Variants in ACTN2 observed in about 807,000 individuals in gnomAD.
The protein encoded by ACTN2 is alpha-actinin-2.
A neutral mutation model predicts 113.8 loss-of-function variants in ACTN2; 39 were observed. That is an observed-to-expected ratio of 0.34 (90% CI 0.27 to 0.45). ACTN2 has a LOEUF of 0.45. ACTN2 is among the 20% of genes least tolerant of loss of function. ACTN2 has a pLI of 1.00. For synonymous variants in ACTN2, 429 were observed against 444.1 expected (o/e 0.97, Z 0.43); for missense variants, 992 against 1,177.9 (o/e 0.84, Z 2.31).
chr1:236,763,061 G>T lies in ACTN2; in HGVS notation c.*442G>T. The T allele has an allele frequency of 3.4e-6, 1 of 294,430 alleles. No individual in the cohort carries two copies. Among genetic ancestry groups the T allele is most frequent in the South Asian group, 3.2e-5 (1 of 31,308 alleles). The allele number at this position is 294,430 out of a possible 1,614,324, so 18.2% of individuals were successfully genotyped here. ...TCATTTATCTCTAATATGCTTATGT[G>T]ATTGCCCCTAGGGGAGTATATTTGG... On this transcript the variant is annotated 3_prime_UTR_variant, in exon 21 of 21. Coordinates refer to ENST00000366578, the MANE Select transcript of ACTN2 (RefSeq NM_001103.4).
intron 2 of ACTN2, 136 bp from the exon 3 acceptor site, chr1:236,718,758 A>T (rs1658295022): frequency 2.4e-6 from 3 of 1,232,130 alleles, no homozygotes; most frequent in Non-Finnish European, 3.5e-6. Context: ...TGATTTAGAG[A>T]GACCAGGCAC....
chr1:236,725,874 G>T (rs888865052), intron 4 of ACTN2, 59 bp from the exon 5 acceptor site: 1 of 1,480,370 alleles, frequency 6.8e-7, no homozygotes, highest in African/African-American at 1.4e-5. Context: ...AAGTGACTAG[G>T]AGCTAAGTGA....
intron 4 of ACTN2, among the ~76,000 whole-genome samples, chr1:236,721,272 C>T (rs995281483): frequency 1.3e-5 from 2 of 151,654 alleles, no homozygotes; most frequent in Admixed American, 6.6e-5. Context: ...GTGATCCGCC[C>T]GCCTCAGCCT....
intron 1 of ACTN2, among the ~76,000 whole-genome samples, chr1:236,712,467 C>T (rs1416392478): frequency 6.6e-6 from 1 of 152,034 alleles, no homozygotes; most frequent in Non-Finnish European, 1.5e-5. Flanking sequence ...AATAAATTGA[C>T]CTTCTCTGGA....
intron 8 of ACTN2, chr1:236,736,552 A>G (rs1658882384): frequency 3.3e-6 from 5 of 1,502,688 alleles, no homozygotes; most frequent in East Asian, 2.5e-5. Flanking sequence ...ATGACTTCTC[A>G]TCTAGGTTAG....
At chr1:236,741,281 C>T (rs1659059476) in intron 10 of ACTN2, among the ~76,000 whole-genome samples, 1 of 152,108 alleles carries the variant, frequency 6.6e-6, no homozygotes, top group Admixed American at 6.5e-5. Flanking sequence ...CTCAAGCGAT[C>T]CTCCCACCTC....
rs12569148 is a variant in ACTN2, at chr1:236,734,207, C to T, written c.698-1428C>T. 0.086 allele frequency among the ~76,000 whole-genome samples: 13,109 copies of T among 152,158 alleles called. 1,065 individuals are homozygous for T. The highest frequency in any genetic ancestry group is 0.22 in the East Asian group (1,116 of 5,164). ...TAGGGCTCTTCTGGGTTAGCCTTGGCGTTCTCTTTGGCAATTCCTTTGTTT... is the reference window on the plus strand; with the variant it reads ...TAGGGCTCTTCTGGGTTAGCCTTGGTGTTCTCTTTGGCAATTCCTTTGTTT... On this transcript the variant is annotated intron_variant, in intron 7 of 20. Transcript: ENST00000366578.
At chr1:236,696,950 C>T (rs1432228275) in intron 1 of ACTN2, among the ~76,000 whole-genome samples, 1 of 148,172 alleles carries the variant, frequency 6.7e-6, no homozygotes, top group Non-Finnish European at 1.5e-5. Flanking sequence ...GCATGAGCCA[C>T]CGTGCCCGGC....
In ACTN2 at chr1:236,739,367, A is replaced by G. The variant is rs757749072; in HGVS notation, c.942A>G (p.Gln314=). The G allele has an allele frequency of 6.2e-7, 1 of 1,614,112 alleles. No individual in the cohort carries two copies. Among genetic ancestry groups the G allele is most frequent in the African/African-American group, 1.3e-5 (1 of 75,018 alleles). Residue 314 remains glutamine, a synonymous_variant, in exon 10 of 21, where the codon CAA becomes CAG. Transcript: ENST00000366578. The part of the protein sequence containing the change: ...LENRTPEKTM[Q]AMQKKLEDFR... The stretch of plus-strand genomic sequence containing the variant: ...ACCGGACTCCCGAGAAGACCATGCA[A>G]GCCATGCAGAAGAAGCTGGAGGACT...
At chr1:236,717,591 A>T (rs1335615043) in intron 1 of ACTN2, among the ~76,000 whole-genome samples, 1 of 152,218 alleles carries the variant, frequency 6.6e-6, no homozygotes, top group East Asian at 1.9e-4. Flanking sequence ...ACAGGTATAA[A>T]TGTGGTGTCT....
At chr1:236,708,471 C>T (rs1038221677) in intron 1 of ACTN2, among the ~76,000 whole-genome samples, 7 of 152,160 alleles carry the variant, frequency 4.6e-5, no homozygotes, top group African/African-American at 1.7e-4. Context: ...TTTCGTTGTG[C>T]TGAGTGGTTA....
intron 18 of ACTN2, 66 bp from the exon 19 acceptor site, chr1:236,759,658 T>C (rs1659649199): frequency 5.2e-6 from 7 of 1,357,564 alleles, no homozygotes; most frequent in South Asian, 4.7e-5. Context: ...CTTTGTTCAG[T>C]TGGTCAAGTA....
In ACTN2 at chr1:236,686,550, G is replaced by C. The variant is rs1400509142; in HGVS notation, c.-124G>C. 8.5e-6 allele frequency: 10 copies of C among 1,169,792 alleles called. No individual in the cohort carries two copies. The highest frequency in any genetic ancestry group is 4.4e-5 in the Admixed American group (1 of 22,508). The allele number at this position is 1,169,792 out of a possible 1,614,324, so 72.5% of individuals were successfully genotyped here. A position where few individuals can be genotyped will look rare whatever the true frequency, so the allele number is the denominator to read the frequency against. ...GCGCCCAGGCGTGTCGCCCCGAGAG[G>C]AGCCGCGCGAAGGTCACCCCGCGCC... On this transcript the variant is annotated 5_prime_UTR_variant, in exon 1 of 21. Transcript: ENST00000366578.
chr1:236,716,498 A>G (rs1658216969), intron 1 of ACTN2, among the ~76,000 whole-genome samples: 1 of 152,188 alleles, frequency 6.6e-6, no homozygotes, highest in Non-Finnish European at 1.5e-5. Flanking sequence ...TTTAGATGTC[A>G]CTTAATATAT....
intron 20 of ACTN2, 148 bp from the exon 21 acceptor site, chr1:236,762,313 G>A: frequency 9.3e-7 from 1 of 1,078,802 alleles, no homozygotes; most frequent in East Asian, 2.5e-5. Context: ...GCTTTCTGTT[G>A]GTTGTCTGGT....
chr1:236,761,695 T>C (rs993134821), intron 20 of ACTN2, among the ~76,000 whole-genome samples: 3 of 152,136 alleles, frequency 2.0e-5, no homozygotes, highest in Non-Finnish European at 2.9e-5. Flanking sequence ...TAATTGCCAG[T>C]TCAGAATTGT....
In ACTN2 at chr1:236,744,718, G is replaced by T. The variant is rs774252565; in HGVS notation, c.1348G>T (p.Asp450Tyr). The T allele has an allele frequency of 1.4e-5, 23 of 1,614,066 alleles. No individual in the cohort carries two copies. The highest frequency in any genetic ancestry group is 2.2e-5 in the South Asian group (2 of 91,094). ...LLRKHEAFES[D>Y]LAAHQDRVEQ... ...GCGGAAGCACGAGGCGTTCGAGAGC[G>T]ACCTGGCAGCGCACCAGGACCGCGT... Residue 450 changes from aspartate (D) to tyrosine (Y), a missense_variant, in exon 12 of 21, where the codon GAC becomes TAC. Asp to Tyr is a radical substitution (Grantham distance 160, BLOSUM62 -3). Coordinates refer to ENST00000366578, the MANE Select transcript of ACTN2 (RefSeq NM_001103.4).
chr1:236,713,521 C>A (rs1341709141), intron 1 of ACTN2, among the ~76,000 whole-genome samples: 1 of 152,126 alleles, frequency 6.6e-6, no homozygotes, highest in East Asian at 1.9e-4. Flanking sequence ...GCCACTGTGC[C>A]AAGCAAAGTA....
chr1:236,726,074 A>C, intron 5 of ACTN2, 54 bp downstream of exon 5: 1 of 1,497,216 alleles, frequency 6.7e-7, no homozygotes, highest in Non-Finnish European at 9.3e-7. Context: ...TGTGGGTAGC[A>C]TGGGGAACAG....
Sources: allele counts gnomAD v4.1 joint callset (sites outside exome capture counted in the v4.1 genomes callset), GRCh38; gene constraint gnomAD v4.1.1; transcripts MANE v1.5; gene names NCBI Gene and HGNC (gene_info 2026-07-23, HGNC 2026-07-21).